Variants in NEDD4L observed in about 807,000 individuals in gnomAD.
NEDD4L encodes NEDD4 like E3 ubiquitin protein ligase, also known as E3 ubiquitin-protein ligase NEDD4-like.
Under a neutral mutation model 148.9 loss-of-function variants are expected in NEDD4L, and 54 were observed. That is an observed-to-expected ratio of 0.36 (90% CI 0.29 to 0.45). The LOEUF is 0.45. NEDD4L is among the 20% of genes least tolerant of loss of function. The pLI is 1.00. For missense variants in NEDD4L, 856 were observed against 1,233.8 expected, an observed-to-expected ratio of 0.69 and a Z score of 4.59; for synonymous variants, 433 against 440.7, an observed-to-expected ratio of 0.98 and a Z score of 0.22.
intron 1 of NEDD4L, chr18:58,091,608 C>T (rs1277431317): frequency 2.0e-5 from 3 of 152,236 alleles, no homozygotes; most frequent in Admixed American, 6.5e-5. Flanking sequence ...ATTTCATTTT[C>T]ACTGCAGCCT....
intron 1 of NEDD4L, among the ~76,000 whole-genome samples, chr18:58,089,236 C>T (rs1020674165): frequency 2.1e-5 from 3 of 145,600 alleles, no homozygotes; most frequent in South Asian, 2.1e-4. Flanking sequence ...TGGGTTCAAG[C>T]GATTCTCCTG....
intron 1 of NEDD4L, among the ~76,000 whole-genome samples, chr18:58,086,913 T>C (rs1192616177): frequency 6.6e-6 from 1 of 152,238 alleles, no homozygotes; most frequent in Non-Finnish European, 1.5e-5. Flanking sequence ...ATCCTGCCAG[T>C]AATCATTTTG....
intron 1 of NEDD4L, among the ~76,000 whole-genome samples, chr18:58,151,924 C>A (rs946655018): frequency 1.3e-5 from 2 of 151,642 alleles, no homozygotes; most frequent in African/African-American, 4.9e-5. Flanking sequence ...GGTAGTAGGG[C>A]AGTATGAGTG....
intron 5 of NEDD4L, among the ~76,000 whole-genome samples, chr18:58,287,214 G>A (rs1221923293): frequency 4.0e-5 from 6 of 151,758 alleles, no homozygotes; most frequent in Non-Finnish European, 8.8e-5. Context: ...CAAAAAGGCA[G>A]CTCTCAACCC....
intron 1 of NEDD4L, among the ~76,000 whole-genome samples, chr18:58,148,388 A>T (rs1482529651): frequency 1.3e-5 from 2 of 151,530 alleles, no homozygotes; most frequent in African/African-American, 2.4e-5. Context: ...CCGGTCTCGA[A>T]CTCCTGACCT....
Position 58,165,835 on chromosome 18 carries a change from C to T in NEDD4L, c.96C>T (p.Leu32=), listed in dbSNP as rs369540935. The T allele has an allele frequency of 3.1e-6, 5 of 1,610,576 alleles. No individual in the cohort carries two copies. In the African/African-American group the frequency reaches 4.0e-5, roughly 13 times the overall value. ...TAAAAGTTGTTTCTGGAATTGATCT[C>T]GCCAAAAAGGACATCTTTGGAGCCA... ...LRVKVVSGID[L]AKKDIFGASD... is the part of the protein sequence containing the mutation. The change falls in exon 2 of 31, where the codon CTC becomes CTT. Residue 32 remains leucine (L), a synonymous_variant. Transcript: ENST00000400345.
intron 5 of NEDD4L, among the ~76,000 whole-genome samples, chr18:58,290,337 T>C (rs1430721007): frequency 6.6e-6 from 1 of 152,264 alleles, no homozygotes; most frequent in Non-Finnish European, 1.5e-5. Flanking sequence ...ACATTCGTCA[T>C]TGAACTGGAC....
intron 1 of NEDD4L, among the ~76,000 whole-genome samples, chr18:58,061,696 T>C (rs574829205): frequency 7.2e-5 from 11 of 152,330 alleles, no homozygotes; most frequent in African/African-American, 2.4e-4. Flanking sequence ...TATACTGTTA[T>C]AATTAAGGTA....
chr18:58,185,942 AG>A (rs1371960524), intron 2 of NEDD4L, among the ~76,000 whole-genome samples: 1 of 152,216 alleles, frequency 6.6e-6, no homozygotes, highest in Non-Finnish European at 1.5e-5. Context: ...TCTTAGACCC[AG>A]CACTCCCAGT....
intron 4 of NEDD4L, 147 bp downstream of exon 4, chr18:58,249,084 A>T: frequency 2.2e-6 from 1 of 453,390 alleles, no homozygotes; most frequent in Admixed American, 4.1e-5. Flanking sequence ...TGTGTCCCAA[A>T]TTTTGAAAGA....
chr18:58,353,722 C>T (rs559100415), intron 18 of NEDD4L, among the ~76,000 whole-genome samples: 38 of 152,334 alleles, frequency 2.5e-4, no homozygotes, highest in African/African-American at 8.4e-4. Context: ...TTAGGAATGT[C>T]CTTTCTGTCA....
chr18:58,361,775 A>C (rs1324595138), intron 19 of NEDD4L, among the ~76,000 whole-genome samples: 1 of 152,214 alleles, frequency 6.6e-6, no homozygotes, highest in African/African-American at 2.4e-5. Context: ...AAAGGGCTTT[A>C]ATCAACAGAT....
At chr18:58,128,199 A>T (rs1473410184) in intron 1 of NEDD4L, among the ~76,000 whole-genome samples, 2 of 152,110 alleles carry the variant, frequency 1.3e-5, no homozygotes, top group Non-Finnish European at 2.9e-5. Context: ...GGCTCCCGCC[A>T]CTGCACCCGG....
intron 1 of NEDD4L, among the ~76,000 whole-genome samples, chr18:58,119,664 G>A (rs1468539681): frequency 6.6e-6 from 1 of 152,234 alleles, no homozygotes; most frequent in East Asian, 1.9e-4. Context: ...CTGAGAGTTT[G>A]CAGCCCCTGC....
chr18:58,311,333 C>G (rs777263264), intron 5 of NEDD4L, among the ~76,000 whole-genome samples: 7 of 152,166 alleles, frequency 4.6e-5, no homozygotes, highest in Admixed American at 3.9e-4. Context: ...AAAATATTAC[C>G]TTGATACATA....
Position 58,256,529 on chromosome 18 carries a change from C to T in NEDD4L, c.297+4475C>T. The T allele has an allele frequency of 8.1e-7, 1 of 1,232,278 alleles. No individual in the cohort carries two copies. Among genetic ancestry groups the T allele is most frequent in the Non-Finnish European group, 1.0e-6 (1 of 988,068 alleles). The allele number at this position is 1,232,278 out of a possible 1,614,324, so 76.3% of individuals were successfully genotyped here. A position where few individuals can be genotyped will look rare whatever the true frequency, so the allele number is the denominator to read the frequency against. On this transcript the variant is annotated intron_variant, in intron 5 of 30. Transcript: ENST00000400345. This position sits in a 1 kb window ranked among gnomAD's most constrained non-coding sequence, Gnocchi z 5.2. ...GCAGCCCCGAAGCGAGCGAGGGAGC[C>T]CCACGGAAGATCGGGGAGCCCTGGA...
chr18:58,152,761 G>A (rs192517917), intron 1 of NEDD4L, among the ~76,000 whole-genome samples: 3 of 152,258 alleles, frequency 2.0e-5, no homozygotes, highest in Admixed American at 2.0e-4. Flanking sequence ...CGTACTTTGA[G>A]AACCACTCTT....
Position 58,312,506 on chromosome 18 carries a change from C to G in NEDD4L, c.298-3476C>G, listed in dbSNP as rs962325660. ...GTGCTGTGATGGCCTCAAACGTTGT[C>G]CCTCCGGGGCCCACAGGCAGGATCC... On this transcript the variant is annotated intron_variant, in intron 5 of 30. Coordinates refer to ENST00000400345, the MANE Select transcript of NEDD4L (RefSeq NM_001144967.3). Among the ~76,000 whole-genome samples the G allele has an allele frequency of 4.6e-5, 7 of 152,226 alleles. No homozygotes were observed. In the East Asian group the frequency reaches 5.8e-4, roughly 13 times the overall value.
chr18:58,090,360 T>G (rs2084006460), intron 1 of NEDD4L, among the ~76,000 whole-genome samples: 1 of 152,254 alleles, frequency 6.6e-6, no homozygotes, highest in Non-Finnish European at 1.5e-5. Context: ...CCATGAGATC[T>G]GAGTGCAGCT....
Sources: gnomAD v4.1 joint callset for allele counts (sites outside exome capture counted in the v4.1 genomes callset) on GRCh38, gnomAD v4.1.1 for gene constraint, Gnocchi (gnomAD v3.1) non-coding constraint, MANE v1.5 for transcripts, NCBI Gene and HGNC (gene_info 2026-07-23, HGNC 2026-07-21) for gene names.